Variants in SNX30 observed in about 807,000 individuals in gnomAD.
SNX30 encodes the protein sorting nexin-30.
Under a neutral mutation model 46.4 loss-of-function variants are expected in SNX30, and 24 were observed. The ratio of observed to expected loss-of-function variants is 0.52; its 90% CI spans 0.37 to 0.73. The LOEUF (loss-of-function observed/expected upper bound fraction) is 0.73, where lower values mean the gene tolerates loss of function less well. Among genes scored for constraint, SNX30 ranks in the 30% least tolerant of loss-of-function variants. The pLI, the probability that SNX30 is intolerant of heterozygous loss-of-function variation, is 0.00. For synonymous variants in SNX30, 189 were observed against 211.5 expected, an observed-to-expected ratio of 0.89 and a Z score of 0.92; for missense variants, 533 against 555.7, an observed-to-expected ratio of 0.96 and a Z score of 0.41.
chr9:112,771,134 A>G (rs1429803150), intron 1 of SNX30, among the ~76,000 whole-genome samples: 1 of 151,886 alleles, frequency 6.6e-6, no homozygotes, highest in African/African-American at 2.4e-5. Flanking sequence ...TACTTTCTCC[A>G]GTACTGTGCT....
intron 3 of SNX30, among the ~76,000 whole-genome samples, chr9:112,818,386 C>T (rs951144062): frequency 3.9e-5 from 6 of 152,152 alleles, no homozygotes; most frequent in Admixed American, 2.6e-4. Flanking sequence ...TATGCCACCA[C>T]GCCCAGCTAG....
At chr9:112,825,125 A>G (rs1413444031) in intron 3 of SNX30, among the ~76,000 whole-genome samples, 4 of 152,214 alleles carry the variant, frequency 2.6e-5, no homozygotes, top group East Asian at 1.9e-4. Context: ...TTGCTGGAGC[A>G]TATAGTAATT....
At chr9:112,780,367 A>T (rs555233829) in intron 1 of SNX30, among the ~76,000 whole-genome samples, 1 of 152,206 alleles carries the variant, frequency 6.6e-6, no homozygotes, top group African/African-American at 2.4e-5. Flanking sequence ...AATCGTTAAG[A>T]TGGTAAGTTT....
rs1344192143 is a variant in SNX30 at position 112,846,964 on chromosome 9, G to A, written c.1015-3895G>A. Among the ~76,000 whole-genome samples, 4 of 152,282 alleles carry A rather than the reference G, an allele frequency of 2.6e-5. No homozygotes were observed. The South Asian group carries it at 6.2e-4, about 24-fold the overall frequency. On this transcript the variant is annotated intron_variant, in intron 6 of 8. Transcript: ENST00000374232. ...TGGGGAAGGGATGCTGTGCTTTCCC[G>A]TAGATGCCACTGTGGTCTTTTTTGG...
intron 5 of SNX30, chr9:112,881,412 A>G (rs1841575894): frequency 6.6e-6 from 1 of 152,196 alleles, no homozygotes; most frequent in African/African-American, 2.4e-5. Context: ...TGTACTTAAG[A>G]CTCATTGTAT....
chr9:112,844,316 G>A (rs181448728), intron 6 of SNX30, among the ~76,000 whole-genome samples: 95 of 152,276 alleles, frequency 6.2e-4, no homozygotes, highest in Admixed American at 1.4e-3. Context: ...CACTATTTTG[G>A]GCATGTGGAA....
At chr9:112,826,627 A>G (rs1204206281) in intron 3 of SNX30, among the ~76,000 whole-genome samples, 1 of 152,132 alleles carries the variant, frequency 6.6e-6, no homozygotes, top group African/African-American at 2.4e-5. Context: ...GTTGTTTTCC[A>G]CAGGGGCTAA....
At chr9:112,837,887 C>CTTTTTTTTT (rs10713538) in intron 5 of SNX30, among the ~76,000 whole-genome samples, 1 of 71,162 alleles carries the variant, frequency 1.4e-5, no homozygotes. Context: ...TGGTTCTTTT[C>CTTTTTTTTT]TTTTTTTTTT....
At chr9:112,775,081 A>G (rs113498266) in intron 1 of SNX30, among the ~76,000 whole-genome samples, 1,643 of 151,002 alleles carry the variant, frequency 0.011, 27 homozygotes, top group African/African-American at 0.037. Flanking sequence ...CCTGACCTCA[A>G]ATGATATGCC....
intron 1 of SNX30, among the ~76,000 whole-genome samples, chr9:112,792,640 G>C (rs112409226): frequency 0.064 from 9,768 of 152,098 alleles, 704 homozygotes; most frequent in African/African-American, 0.17. Flanking sequence ...TGCTCAGGCT[G>C]GTCTTGAGCT....
At chr9:112,865,665 A>ATATATATG (rs1841323431) in intron 8 of SNX30, among the ~76,000 whole-genome samples, 2 of 112,886 alleles carry the variant, frequency 1.8e-5, no homozygotes, top group Non-Finnish European at 3.6e-5. Flanking sequence ...ATATATATGT[A>ATATATATG]TGTATGTATG....
Position 112,773,666 on chromosome 9 carries a change from A to G in SNX30, c.156+22509A>G, listed in dbSNP as rs560406164. On this transcript the variant is annotated intron_variant, in intron 1 of 8. Coordinates refer to ENST00000374232, the MANE Select transcript of SNX30 (RefSeq NM_001012994.2). ...TATAGTGAGACTATGATAAAACTCA[A>G]GGCATATGGGGAAGGGGAAACAACC... is the stretch of plus-strand genomic sequence containing the variant. 6.0e-4 allele frequency among the ~76,000 whole-genome samples: 91 copies of G among 152,350 alleles called. 2 individuals carry two copies. In the South Asian group the frequency reaches 9.9e-3, roughly 17 times the overall value.
At chr9:112,776,035 A>T (rs1839743063) in intron 1 of SNX30, among the ~76,000 whole-genome samples, 1 of 152,124 alleles carries the variant, frequency 6.6e-6, no homozygotes, top group Non-Finnish European at 1.5e-5. Context: ...AGTCTTCTAC[A>T]TATCCTTAGA....
chr9:112,790,942 G>C (rs766500555), intron 1 of SNX30, among the ~76,000 whole-genome samples: 11 of 152,278 alleles, frequency 7.2e-5, no homozygotes, highest in Middle Eastern at 3.4e-3. Flanking sequence ...TTTCCAGAAT[G>C]GTTTTGAATT....
intron 7 of SNX30, among the ~76,000 whole-genome samples, chr9:112,852,346 G>A (rs1215275374): frequency 1.3e-5 from 2 of 152,230 alleles, no homozygotes; most frequent in Admixed American, 6.5e-5. Flanking sequence ...TATTTATGTT[G>A]TATTAGGTAT....
intron 6 of SNX30, among the ~76,000 whole-genome samples, chr9:112,847,440 A>C (rs1357574146): frequency 2.6e-5 from 3 of 117,064 alleles, no homozygotes; most frequent in Non-Finnish European, 5.0e-5. Flanking sequence ...CTAAAATACA[A>C]GCATTCTTTT....
intron 7 of SNX30, among the ~76,000 whole-genome samples, chr9:112,862,791 G>C (rs1841258759): frequency 6.6e-6 from 1 of 151,836 alleles, no homozygotes; most frequent in African/African-American, 2.4e-5. Flanking sequence ...TCAAATTCCT[G>C]ACCTCCAGTG....
intron 7 of SNX30, among the ~76,000 whole-genome samples, chr9:112,862,561 G>T: frequency 6.6e-6 from 1 of 152,128 alleles, no homozygotes; most frequent in East Asian, 1.9e-4. Flanking sequence ...GTAATGGGTG[G>T]TCTTGGGAGG....
chr9:112,779,694 C>CA (rs1458634008), intron 1 of SNX30, among the ~76,000 whole-genome samples: 1 of 152,062 alleles, frequency 6.6e-6, no homozygotes, highest in African/African-American at 2.4e-5. Context: ...GACTCTGTCT[C>CA]AAAAAACAAA....
Sources: allele counts gnomAD v4.1 joint callset (sites outside exome capture counted in the v4.1 genomes callset), GRCh38; gene constraint gnomAD v4.1.1; transcripts MANE v1.5; gene names NCBI Gene and HGNC (gene_info 2026-07-23, HGNC 2026-07-21).